The following ITGA8 variants were observed in gnomAD, a reference collection of about 807,000 sequenced individuals.
The protein encoded by ITGA8 is integrin alpha-8.
ITGA8 carries 91 observed loss-of-function variants against 142.3 expected under a neutral mutation model. The observed-to-expected ratio is 0.64, with a 90% confidence interval of 0.54 to 0.76. The LOEUF is 0.76. ITGA8 is among the 30% of genes least tolerant of loss of function. The pLI is 0.00. For missense variants in ITGA8, 1,406 were observed against 1,327.7 expected, an observed-to-expected ratio of 1.06 and a Z score of -0.92; for synonymous variants, 505 against 485.2, an observed-to-expected ratio of 1.04 and a Z score of -0.54.
At chr10:15,606,497 A>T in intron 17 of ITGA8, 75 bp from the exon 18 acceptor site, 1 of 1,403,798 alleles carries the variant, frequency 7.1e-7, no homozygotes, top group Non-Finnish European at 9.8e-7. Flanking sequence ...AAAGTCAGGC[A>T]ACACTGGAAT....
intron 11 of ITGA8, among the ~76,000 whole-genome samples, chr10:15,648,920 T>C (rs567451290): frequency 6.6e-6 from 1 of 152,330 alleles, no homozygotes; most frequent in East Asian, 1.9e-4. Context: ...TGACTACTCA[T>C]ATTACTATAA....
chr10:15,683,425 G>T (rs1834779074), intron 4 of ITGA8, among the ~76,000 whole-genome samples: 1 of 151,904 alleles, frequency 6.6e-6, no homozygotes, highest in Non-Finnish European at 1.5e-5. Context: ...TCCCAGGTTT[G>T]CTTTAAAGAC....
At chr10:15,670,093 G>A (rs1429343629) in intron 8 of ITGA8, among the ~76,000 whole-genome samples, 2 of 152,206 alleles carry the variant, frequency 1.3e-5, no homozygotes, top group Admixed American at 1.3e-4. Context: ...GCTGGGAGCT[G>A]TAGACCAGAG....
intron 2 of ITGA8, among the ~76,000 whole-genome samples, chr10:15,698,402 CTTCTT>C (rs1378087008): frequency 1.3e-5 from 2 of 152,216 alleles, no homozygotes; most frequent in Non-Finnish European, 1.5e-5. Flanking sequence ...CATATAATGA[CTTCTT>C]TTCATCTGGG....
chr10:15,708,035 C>G (rs1001649871), intron 2 of ITGA8, among the ~76,000 whole-genome samples: 2 of 150,886 alleles, frequency 1.3e-5, no homozygotes, highest in Non-Finnish European at 1.5e-5. Context: ...TCTTTTCTTC[C>G]ACTTGTCGCT....
In ITGA8 at chr10:15,622,607, A is replaced by C. The variant is rs373778316; in HGVS notation, c.1400-6048T>G. ...CAAAACAAAACAAAACAAAACAAAA[A>C]AAAAACCACATGAGCAAGGCTGAAA... On this transcript the variant is annotated intron_variant, in intron 13 of 29. Transcript: ENST00000378076. Among the ~76,000 whole-genome samples, 296 of 91,468 alleles carry C rather than the reference A, an allele frequency of 3.2e-3. 2 individuals carry two copies. The highest frequency in any genetic ancestry group is 9.8e-3 in the South Asian group (31 of 3,152). 60.0% of individuals were successfully genotyped at this position (91,468 alleles called of 152,430 possible).
chr10:15,715,284 A>C (rs1328765893), intron 2 of ITGA8, among the ~76,000 whole-genome samples: 1 of 152,090 alleles, frequency 6.6e-6, no homozygotes, highest in Non-Finnish European at 1.5e-5. Context: ...TATCCTTTCC[A>C]ACCCCTCTCT....
At position 15,515,568 on chromosome 10, in the gene ITGA8, G is replaced by T. The variant is rs1299558078; in HGVS notation, c.*1590C>A. 1.3e-5 allele frequency: 2 copies of T among 151,028 alleles called. No homozygotes were observed. Among genetic ancestry groups the T allele is most frequent in the African/African-American group, 4.9e-5 (2 of 41,222 alleles). The allele number at this position is 151,028 out of a possible 1,614,324, so 9.4% of individuals were successfully genotyped here. ...AACAGCTTTGTAAACTTAAGGATTT[G>T]GGTCAGCTTGTTCTATCATACTTAA... On this transcript the variant is annotated 3_prime_UTR_variant, in exon 30 of 30. Coordinates refer to ENST00000378076, the MANE Select transcript of ITGA8 (RefSeq NM_003638.3).
At chr10:15,538,529 A>AC (rs1833500647) in intron 27 of ITGA8, among the ~76,000 whole-genome samples, 2 of 151,374 alleles carry the variant, frequency 1.3e-5, no homozygotes, top group Admixed American at 6.6e-5. Context: ...AAAAAAAAAA[A>AC]AACTATAGTT....
chr10:15,694,614 ATATTT>A (rs996688706), intron 2 of ITGA8, among the ~76,000 whole-genome samples: 57 of 136,524 alleles, frequency 4.2e-4, no homozygotes, highest in African/African-American at 1.5e-3. Flanking sequence ...TATAGTAAAT[ATATTT>A]TATTTATTAA....
At chr10:15,694,169 T>C (rs1444416556) in intron 2 of ITGA8, among the ~76,000 whole-genome samples, 3 of 143,192 alleles carry the variant, frequency 2.1e-5, no homozygotes, top group African/African-American at 7.9e-5. Context: ...ATATATCATA[T>C]ATCAGATAAT....
chr10:15,703,474 C>T (rs1056011246), intron 2 of ITGA8, among the ~76,000 whole-genome samples: 2 of 151,954 alleles, frequency 1.3e-5, no homozygotes, highest in Admixed American at 6.6e-5. Context: ...ATGGATTATA[C>T]GATGCAAATA....
chr10:15,515,789 A>G lies in ITGA8; in HGVS notation c.*1369T>C, dbSNP rs1265136855. 6.6e-6 allele frequency: 1 copy of G among 152,216 alleles called. No homozygotes were observed. Among genetic ancestry groups the G allele is most frequent in the African/African-American group, 2.4e-5 (1 of 41,458 alleles). 9.4% of individuals were successfully genotyped at this position (152,216 alleles called of 1,614,324 possible). A position where few individuals can be genotyped will look rare whatever the true frequency, so the allele number is the denominator to read the frequency against. On this transcript the variant is annotated 3_prime_UTR_variant, in exon 30 of 30. Coordinates refer to ENST00000378076, the MANE Select transcript of ITGA8 (RefSeq NM_003638.3). The stretch of plus-strand genomic sequence containing the variant: ...TTTACTTCAAAAATGATAATATTAC[A>G]AGATTATGAATTATTTACAAGAGTT...
chr10:15,596,487 T>C (rs920140530), intron 21 of ITGA8: 1 of 152,228 alleles, frequency 6.6e-6, no homozygotes, highest in Non-Finnish European at 1.5e-5. Context: ...CAATCCATGG[T>C]AACCAATAAT....
chr10:15,633,757 C>T (rs1017777975), intron 13 of ITGA8, among the ~76,000 whole-genome samples: 15 of 152,126 alleles, frequency 9.9e-5, no homozygotes, highest in Admixed American at 3.9e-4. Context: ...ATTACATAGT[C>T]CTAGAAATCT....
chr10:15,623,747 C>A (rs1833535190), intron 13 of ITGA8, among the ~76,000 whole-genome samples: 1 of 152,042 alleles, frequency 6.6e-6, no homozygotes, highest in South Asian at 2.1e-4. Context: ...TAAATTTCAT[C>A]CTTTTTAGTA....
intron 26 of ITGA8, among the ~76,000 whole-genome samples, chr10:15,555,784 C>T (rs934758752): frequency 2.6e-5 from 4 of 151,594 alleles, no homozygotes; most frequent in Admixed American, 2.6e-4. Flanking sequence ...CAAGCTCCGC[C>T]TCCCGGGTTC....
intron 25 of ITGA8, among the ~76,000 whole-genome samples, chr10:15,561,519 A>C (rs2131572570): frequency 6.6e-6 from 1 of 152,254 alleles, no homozygotes; most frequent in South Asian, 2.1e-4. Flanking sequence ...GGAAGGGGAA[A>C]GAGGTCCGTT....
intron 23 of ITGA8, among the ~76,000 whole-genome samples, chr10:15,580,500 C>T (rs143033520): frequency 1.6e-4 from 24 of 152,230 alleles, no homozygotes; most frequent in Non-Finnish European, 3.2e-4. Flanking sequence ...CAGATCAGTA[C>T]TTCTTACGAA....
Sources: gnomAD v4.1 joint callset for allele counts (sites outside exome capture counted in the v4.1 genomes callset) on GRCh38, gnomAD v4.1.1 for gene constraint, MANE v1.5 for transcripts, NCBI Gene and HGNC (gene_info 2026-07-23, HGNC 2026-07-21) for gene names.